Variants in SPAG16 observed in about 807,000 individuals in gnomAD.
SPAG16 encodes sperm-associated antigen 16 protein.
Under a neutral mutation model 80.4 loss-of-function variants are expected in SPAG16, and 86 were observed. That is an observed-to-expected ratio of 1.07 (90% CI 0.90 to 1.28). The LOEUF (loss-of-function observed/expected upper bound fraction) is 1.28, where lower values mean the gene tolerates loss of function less well. Among genes scored for constraint, SPAG16 ranks in the 50% most tolerant of loss-of-function variants. SPAG16 has a pLI of 0.00. For synonymous variants in SPAG16, 294 were observed against 265.9 expected (o/e 1.11, Z -1.03); for missense variants, 870 against 765.3 (o/e 1.14, Z -1.61).
chr2:214,308,055 A>T (rs751240766), intron 15 of SPAG16, among the ~76,000 whole-genome samples: 28 of 151,976 alleles, frequency 1.8e-4, no homozygotes, highest in Admixed American at 3.9e-4. Flanking sequence ...AATGTGCTTT[A>T]TGAATCTGGG....
At chr2:214,144,115 C>G (rs1453921162) in intron 14 of SPAG16, among the ~76,000 whole-genome samples, 1 of 151,978 alleles carries the variant, frequency 6.6e-6, no homozygotes, top group Non-Finnish European at 1.5e-5. Context: ...GAACTGCAGT[C>G]CACCCTGGGC....
At chr2:213,559,958 T>C (rs554840182) in intron 10 of SPAG16, among the ~76,000 whole-genome samples, 1 of 152,252 alleles carries the variant, frequency 6.6e-6, no homozygotes, top group East Asian at 1.9e-4. Flanking sequence ...CCATTAATTT[T>C]GCATACATAA....
chr2:214,119,548 C>T (rs1423620273), intron 14 of SPAG16, among the ~76,000 whole-genome samples: 1 of 152,052 alleles, frequency 6.6e-6, no homozygotes, highest in Non-Finnish European at 1.5e-5. Flanking sequence ...TGACCTAAGT[C>T]TTACTAGGAT....
intron 14 of SPAG16, among the ~76,000 whole-genome samples, chr2:214,142,806 A>T (rs560612099): frequency 6.6e-6 from 1 of 152,248 alleles, no homozygotes; most frequent in South Asian, 2.1e-4. Context: ...TTTGTCAGGA[A>T]ATCTTACCCC....
chr2:213,346,306 A>G (rs1172767458), intron 6 of SPAG16, among the ~76,000 whole-genome samples: 4 of 152,194 alleles, frequency 2.6e-5, no homozygotes, highest in Non-Finnish European at 5.9e-5. Context: ...TTTTCTAGAT[A>G]TACAATCATG....
At chr2:213,899,950 C>T (rs1054049848) in intron 11 of SPAG16, among the ~76,000 whole-genome samples, 1 of 152,136 alleles carries the variant, frequency 6.6e-6, no homozygotes, top group African/African-American at 2.4e-5. Context: ...TGTCTTGATG[C>T]AGCTTTGTAC....
At chr2:214,014,609 G>A (rs756305896) in intron 13 of SPAG16, among the ~76,000 whole-genome samples, 9 of 152,096 alleles carry the variant, frequency 5.9e-5, no homozygotes, top group Admixed American at 2.0e-4. Flanking sequence ...TTAGGAGAGG[G>A]CAATACATGC....
At chr2:213,777,635 C>T (rs1252995065) in intron 10 of SPAG16, among the ~76,000 whole-genome samples, 1 of 152,086 alleles carries the variant, frequency 6.6e-6, no homozygotes, top group African/African-American at 2.4e-5. Flanking sequence ...TCTCGATCTC[C>T]TGACCTTGTG....
intron 10 of SPAG16, among the ~76,000 whole-genome samples, chr2:213,512,518 A>G (rs1166504037): frequency 1.3e-5 from 2 of 152,182 alleles, no homozygotes; most frequent in Admixed American, 1.3e-4. Context: ...TTCACATCAC[A>G]TAGCATAAAC....
chr2:214,317,617 G>A (rs1442014459), intron 15 of SPAG16, among the ~76,000 whole-genome samples: 1 of 152,204 alleles, frequency 6.6e-6, no homozygotes, highest in Non-Finnish European at 1.5e-5. Context: ...ATAGGCCAGA[G>A]GTGGTGAAAG....
At chr2:213,643,148 C>T (rs893595817) in intron 10 of SPAG16, among the ~76,000 whole-genome samples, 1 of 150,784 alleles carries the variant, frequency 6.6e-6, no homozygotes, top group Non-Finnish European at 1.5e-5. Flanking sequence ...TGAAATGCCT[C>T]AGCTTTTTGT....
At chr2:214,187,576 C>G (rs1478076383) in intron 15 of SPAG16, among the ~76,000 whole-genome samples, 1 of 151,946 alleles carries the variant, frequency 6.6e-6, no homozygotes, top group Non-Finnish European at 1.5e-5. Flanking sequence ...ATATCATCTC[C>G]CCTAGCTTGA....
chr2:214,204,065 C>A (rs2058081179), intron 15 of SPAG16, among the ~76,000 whole-genome samples: 1 of 152,146 alleles, frequency 6.6e-6, no homozygotes, highest in Admixed American at 6.5e-5. Context: ...CTTTCCCCCA[C>A]TTCCCTGGTG....
At chr2:213,935,756 T>A (rs2078962716) in intron 12 of SPAG16, among the ~76,000 whole-genome samples, 1 of 152,184 alleles carries the variant, frequency 6.6e-6, no homozygotes, top group African/African-American at 2.4e-5. Flanking sequence ...GCTGATGGAA[T>A]AAAAACAGTA....
intron 14 of SPAG16, among the ~76,000 whole-genome samples, chr2:214,124,552 T>C (rs1288660706): frequency 2.6e-5 from 4 of 151,984 alleles, no homozygotes; most frequent in Admixed American, 6.7e-5. Flanking sequence ...TGAAACATTG[T>C]TTTTGAAGCA....
intron 11 of SPAG16, among the ~76,000 whole-genome samples, chr2:213,870,211 C>T (rs1277316812): frequency 6.6e-6 from 1 of 152,152 alleles, no homozygotes; most frequent in Admixed American, 6.6e-5. Context: ...CTTCCCTTCT[C>T]TTCAGAACCA....
chr2:214,206,852 A>G (rs921954388), intron 15 of SPAG16, among the ~76,000 whole-genome samples: 2 of 152,142 alleles, frequency 1.3e-5, no homozygotes, highest in East Asian at 1.9e-4. Context: ...ATAATATCTC[A>G]TTGTAGTTTT....
At chr2:213,733,039 T>C (rs878907105) in intron 10 of SPAG16, among the ~76,000 whole-genome samples, 1 of 152,162 alleles carries the variant, frequency 6.6e-6, no homozygotes, top group Non-Finnish European at 1.5e-5. Flanking sequence ...CCAGCATCTG[T>C]TGTTTTTTGA....
At chr2:214,389,587 C>A (rs1237985812) in intron 15 of SPAG16, among the ~76,000 whole-genome samples, 1 of 152,146 alleles carries the variant, frequency 6.6e-6, no homozygotes, top group Non-Finnish European at 1.5e-5. Flanking sequence ...ACTGCCAGGG[C>A]AGTGGGTATG....
Sources: allele counts gnomAD v4.1 joint callset (sites outside exome capture counted in the v4.1 genomes callset), GRCh38; gene constraint gnomAD v4.1.1; transcripts MANE v1.5; gene names NCBI Gene and HGNC (gene_info 2026-07-23, HGNC 2026-07-21).